Variants in AMOT observed in about 807,000 individuals in gnomAD.
The protein encoded by AMOT is angiomotin.
AMOT carries 11 observed loss-of-function variants against 67.0 expected under a neutral mutation model. The ratio of observed to expected loss-of-function variants is 0.16; its 90% confidence interval spans 0.10 to 0.27. The LOEUF (loss-of-function observed/expected upper bound fraction) is 0.27. Ranked by LOEUF, AMOT falls within the 10% of genes least tolerant of loss-of-function variation. AMOT has a pLI of 1.00. For synonymous variants in AMOT, 326 were observed against 321.4 expected (o/e 1.01, Z -0.15); for missense variants, 753 against 852.0 (o/e 0.88, Z 1.45).
At chrX:112,833,270 C>A (rs1451524886) in intron 1 of AMOT, among the ~76,000 whole-genome samples, 1 of 110,829 alleles carries the variant, frequency 9.0e-6, no homozygotes, top group African/African-American at 3.3e-5. Context: ...CAAGTACTCA[C>A]CCCCCTAAAA....
At chrX:112,797,886 GAGAGAGAA>G (rs1224183743) in intron 8 of AMOT, among the ~76,000 whole-genome samples, 10 of 106,668 alleles carry the variant, frequency 9.4e-5, no homozygotes, top group Admixed American at 7.0e-4. Flanking sequence ...AAGAAAGAGA[GAGAGAGAA>G]AGAGAGAAAG....
At chrX:112,805,150 G>A (rs1934133837) in intron 7 of AMOT, 58 bp from the exon 8 acceptor site, 2 of 1,176,368 alleles carry the variant, frequency 1.7e-6, no homozygotes, top group African/African-American at 3.6e-5. Context: ...AGCCTTACCT[G>A]AGCAAAATTG....
intron 8 of AMOT, among the ~76,000 whole-genome samples, chrX:112,800,803 A>C (rs1024289214): frequency 1.8e-5 from 2 of 112,097 alleles, no homozygotes; most frequent in African/African-American, 6.5e-5. Context: ...TAGAATTGCA[A>C]TGGGACTCCA....
In AMOT at chrX:112,815,810, GAGA is replaced by G. The variant is rs1288245134; in HGVS notation, c.937_939del (p.Ser313del). The G allele has an allele frequency of 2.6e-6, 3 of 1,167,680 alleles. No homozygotes were observed. The highest frequency in any genetic ancestry group is 1.8e-5 in the African/African-American group (1 of 56,236). ...AAGGGCAAGGACCCCCCAGAGGTCA[GAGA>G]AGAAGTAGGGCTGTGAGGCTGCGAG... On this transcript the variant is annotated inframe_deletion, in exon 5 of 14. Coordinates refer to ENST00000371959, the MANE Select transcript of AMOT (RefSeq NM_001113490.2).
At chrX:112,787,545 G>A (rs1460914104) in intron 10 of AMOT, among the ~76,000 whole-genome samples, 1 of 111,933 alleles carries the variant, frequency 8.9e-6, no homozygotes, top group Admixed American at 9.5e-5. Flanking sequence ...AAGGGCACAA[G>A]AACACTTTAG....
chrX:112,798,568 C>T (rs1221447546), intron 8 of AMOT, among the ~76,000 whole-genome samples: 1 of 112,110 alleles, frequency 8.9e-6, no homozygotes, highest in African/African-American at 3.2e-5. Context: ...GTTTACTGGT[C>T]ACTATATTCT....
intron 13 of AMOT, 59 bp from the exon 14 acceptor site, chrX:112,778,723 G>T: frequency 9.7e-7 from 1 of 1,027,004 alleles, no homozygotes; most frequent in Non-Finnish European, 1.3e-6. Context: ...CATATTTCTA[G>T]AACCAGACAC....
At chrX:112,814,103 T>C (rs756872074) in intron 5 of AMOT, among the ~76,000 whole-genome samples, 97 of 110,200 alleles carry the variant, frequency 8.8e-4, no homozygotes, top group African/African-American at 3.1e-3. Flanking sequence ...AGAAACCCCG[T>C]CTCTACTAAA....
Position 112,836,363 on chromosome X carries a change from G to C in AMOT, c.-288-3993C>G, listed in dbSNP as rs907197001. On this transcript the variant is annotated intron_variant, in intron 1 of 13. Transcript: ENST00000371959. ...ACATGAACAACTCCTGAATCACAGAGAGTGTTTAGGGATTACTTATTATAT... is the reference window on the plus strand; with the variant it reads ...ACATGAACAACTCCTGAATCACAGACAGTGTTTAGGGATTACTTATTATAT... Among the ~76,000 whole-genome samples the C allele has an allele frequency of 8.0e-5, 9 of 112,069 alleles. No homozygotes were observed. The East Asian group carries it at 2.0e-3, about 24-fold the overall frequency.
intron 2 of AMOT, among the ~76,000 whole-genome samples, chrX:112,831,445 C>CAATA (rs35986965): frequency 0.23 from 22,016 of 94,424 alleles, 2,874 homozygotes; most frequent in Non-Finnish European, 0.31. Context: ...CCTAGGGTGG[C>CAATA]AATAAATAAA....
At chrX:112,790,486 T>C (rs763222984) in intron 10 of AMOT, 106 bp downstream of exon 10, 115 of 908,475 alleles carry the variant, frequency 1.3e-4, no homozygotes, top group Non-Finnish European at 1.6e-4. Context: ...TAGGCAGAAA[T>C]TGGGGGGGAA....
At position 112,778,397 on chromosome X, in the gene AMOT, T is replaced by G; in HGVS notation, c.*170A>C. ...ACTCCCTAAGCATACCAAAATAGAC[T>G]GGTGTTCACATGGTATTACTCAAGT... On this transcript the variant is annotated 3_prime_UTR_variant, in exon 14 of 14. Transcript: ENST00000371959. 2 of 423,966 alleles carry G rather than the reference T, an allele frequency of 4.7e-6. No individual in the cohort carries two copies. Among genetic ancestry groups the G allele is most frequent in the Non-Finnish European group, 8.3e-6 (2 of 240,955 alleles). 34.9% of individuals were successfully genotyped at this position (423,966 alleles called of 1,213,427 possible). A position where few individuals can be genotyped will look rare whatever the true frequency, so the allele number is the denominator to read the frequency against.
chrX:112,829,245 T>C (rs569575634), intron 2 of AMOT, among the ~76,000 whole-genome samples: 1 of 111,537 alleles, frequency 9.0e-6, no homozygotes, highest in South Asian at 3.8e-4. Flanking sequence ...ATTGTGAGGT[T>C]TGGTGGGAGG....
intron 7 of AMOT, 139 bp from the exon 8 acceptor site, chrX:112,805,231 T>C (rs41307407): frequency 0.025 from 17,323 of 687,583 alleles, 229 homozygotes; most frequent in Middle Eastern, 0.046. Context: ...ACCCAAGATC[T>C]GGACTCTATC....
rs777067321 is a variant in AMOT, at chrX:112,822,845, C to T, written c.282G>A (p.Lys94=). 9 of 1,167,837 alleles carry T rather than the reference C, an allele frequency of 7.7e-6. No individual in the cohort carries two copies. The Middle Eastern group carries it at 2.1e-3, about 271-fold the overall frequency. The change falls in exon 4 of 14, where the codon AAG becomes AAA. Residue 94 remains lysine (K), a synonymous_variant. Transcript: ENST00000371959. ...EIQSENLIME[K]QLSPRMQNNE... is the part of the protein sequence containing the mutation. Reference sequence around the variant, plus strand: ...TATTTTGCATTCGAGGAGACAGCTGCTTCTCCATGATGAGGTTTTCTGACT... The same window carrying T: ...TATTTTGCATTCGAGGAGACAGCTGTTTCTCCATGATGAGGTTTTCTGACT...
intron 5 of AMOT, among the ~76,000 whole-genome samples, chrX:112,814,323 C>T (rs999877376): frequency 9.0e-6 from 1 of 110,823 alleles, no homozygotes; most frequent in African/African-American, 3.3e-5. Flanking sequence ...TGATAATAAG[C>T]CCCTGTCTCC....
chrX:112,824,071 G>A (rs1388707960), intron 3 of AMOT, among the ~76,000 whole-genome samples: 2 of 111,999 alleles, frequency 1.8e-5, no homozygotes, highest in Non-Finnish European at 3.8e-5. Flanking sequence ...GACTGAAACT[G>A]ATTTTAGTAA....
chrX:112,816,361 C>G (rs1236694697), intron 4 of AMOT, among the ~76,000 whole-genome samples: 4 of 110,952 alleles, frequency 3.6e-5, no homozygotes, highest in Non-Finnish European at 7.5e-5. Flanking sequence ...AAAAACCACC[C>G]CCATCTTGCT....
At chrX:112,789,954 G>A (rs1284429144) in intron 10 of AMOT, among the ~76,000 whole-genome samples, 3 of 107,032 alleles carry the variant, frequency 2.8e-5, no homozygotes, top group African/African-American at 1.0e-4. Context: ...TTCCTCCAAA[G>A]GCCAATAATT....
Sources: gnomAD v4.1 joint callset for allele counts (sites outside exome capture counted in the v4.1 genomes callset) on GRCh38, gnomAD v4.1.1 for gene constraint, MANE v1.5 for transcripts, NCBI Gene and HGNC (gene_info 2026-07-23, HGNC 2026-07-21) for gene names.